The following CCDC102B variants were observed in gnomAD, a reference collection of about 807,000 sequenced individuals.
CCDC102B encodes the protein coiled-coil domain containing 102B.
A neutral mutation model predicts 57.4 loss-of-function variants in CCDC102B; 75 were observed. That is an observed-to-expected ratio of 1.31 (90% confidence interval 1.08 to 1.58). The LOEUF (loss-of-function observed/expected upper bound fraction) is 1.58, where lower values mean the gene tolerates loss of function less well. CCDC102B is among the 40% of genes most tolerant of loss of function. The pLI, the probability that CCDC102B is intolerant of heterozygous loss-of-function variation, is 0.00. For missense variants in CCDC102B, 636 were observed against 582.6 expected (o/e 1.09, Z -0.94); for synonymous variants, 206 against 201.9 (o/e 1.02, Z -0.17).
At chr18:68,885,796 A>G (rs977291242) in intron 5 of CCDC102B, among the ~76,000 whole-genome samples, 1 of 152,056 alleles carries the variant, frequency 6.6e-6, no homozygotes, top group African/African-American at 2.4e-5. Context: ...AAAGACTACA[A>G]GAGTATTTCC....
In CCDC102B at chr18:68,877,795, A is replaced by G. The variant is rs138269030; in HGVS notation, c.1053+3010A>G. Among the ~76,000 whole-genome samples the G allele has an allele frequency of 2.8e-3, 422 of 152,270 alleles. 2 individuals are homozygous for G. The highest frequency in any genetic ancestry group is 9.8e-3 in the African/African-American group (407 of 41,546). The stretch of plus-strand genomic sequence containing the variant: ...TGCCTTAAATCAAACAAACAATTAC[A>G]TTTCTCTTCTGCTAAAATCCCTGGT... On this transcript the variant is annotated intron_variant, in intron 5 of 7. Transcript: ENST00000360242.
chr18:68,947,998 A>C (rs894847262), intron 6 of CCDC102B, among the ~76,000 whole-genome samples: 1 of 152,110 alleles, frequency 6.6e-6, no homozygotes, highest in Non-Finnish European at 1.5e-5. Context: ...TCAAGTTTGT[A>C]ATAATCCAAA....
At chr18:69,018,445 T>C (rs1241208645) in intron 7 of CCDC102B, among the ~76,000 whole-genome samples, 1 of 152,158 alleles carries the variant, frequency 6.6e-6, no homozygotes, top group Non-Finnish European at 1.5e-5. Context: ...CTAGTTATTT[T>C]CTGACTTTTT....
chr18:68,813,774 T>C (rs867388438), intron 1 of CCDC102B, among the ~76,000 whole-genome samples: 1 of 145,962 alleles, frequency 6.9e-6, no homozygotes, highest in East Asian at 2.0e-4. Flanking sequence ...AAATATAATT[T>C]TATATATATA....
chr18:68,756,437 C>A (rs889541303), intron 2 of CCDC102B, among the ~76,000 whole-genome samples: 1 of 152,098 alleles, frequency 6.6e-6, no homozygotes, highest in African/African-American at 2.4e-5. Flanking sequence ...AAGTTATCTT[C>A]TATTTATTCT....
intron 6 of CCDC102B, among the ~76,000 whole-genome samples, chr18:68,919,263 T>A (rs1046435986): frequency 3.9e-5 from 6 of 152,160 alleles, no homozygotes; most frequent in African/African-American, 1.4e-4. Context: ...AGTATATATG[T>A]ACATATACAC....
intron 7 of CCDC102B, among the ~76,000 whole-genome samples, chr18:69,020,947 T>C (rs979954862): frequency 6.6e-6 from 1 of 152,198 alleles, no homozygotes; most frequent in African/African-American, 2.4e-5. Flanking sequence ...CAAGATAGTA[T>C]TGAGGCTCTT....
At chr18:68,998,460 T>C (rs1438201760) in intron 6 of CCDC102B, among the ~76,000 whole-genome samples, 2 of 149,124 alleles carry the variant, frequency 1.3e-5, no homozygotes, top group Non-Finnish European at 3.0e-5. Flanking sequence ...TAGGGTTCTC[T>C]AGAGTGACAG....
downstream of CCDC102B, among the ~76,000 whole-genome samples, chr18:69,055,522 C>T (rs1056139325): frequency 1.3e-5 from 2 of 152,056 alleles, no homozygotes; most frequent in Non-Finnish European, 2.9e-5. Flanking sequence ...GCAATTCATC[C>T]AGATGGAGCC....
At chr18:68,973,689 GATTT>G (rs1175028384) in intron 6 of CCDC102B, among the ~76,000 whole-genome samples, 1 of 151,946 alleles carries the variant, frequency 6.6e-6, no homozygotes, top group Non-Finnish European at 1.5e-5. Flanking sequence ...TATCATTACG[GATTT>G]ATTTAACAAG....
chr18:68,929,112 T>C (rs1203040371), intron 6 of CCDC102B, among the ~76,000 whole-genome samples: 1 of 151,870 alleles, frequency 6.6e-6, no homozygotes, highest in African/African-American at 2.4e-5. Context: ...TATATATTTT[T>C]CCCACCTGTA....
rs73967727 is a variant in CCDC102B, at chr18:68,853,764, C to A, written c.936+7343C>A. 9.5e-3 allele frequency among the ~76,000 whole-genome samples: 1,413 copies of A among 148,816 alleles called. 15 individuals carry two copies. Among genetic ancestry groups the A allele is most frequent in the African/African-American group, 0.031 (1,261 of 40,426 alleles). On this transcript the variant is annotated intron_variant, in intron 4 of 7. Transcript: ENST00000360242. ...ATTCCTTTAGGTTAACCCCAAGACT[C>A]CATTAGGCGGCCCTCTTCTTTGTAG...
chr18:68,825,738 C>T (rs1157077186), intron 1 of CCDC102B, among the ~76,000 whole-genome samples: 2 of 152,034 alleles, frequency 1.3e-5, no homozygotes, highest in Admixed American at 1.3e-4. Flanking sequence ...GTTATTAAAA[C>T]TTCAAGAGGT....
At chr18:68,772,378 A>G (rs2034669318) in intron 2 of CCDC102B, among the ~76,000 whole-genome samples, 1 of 152,174 alleles carries the variant, frequency 6.6e-6, no homozygotes, top group Non-Finnish European at 1.5e-5. Context: ...ACTCAGCAAC[A>G]TATTTTTGGA....
At chr18:68,935,766 G>T (rs1179771865) in intron 6 of CCDC102B, among the ~76,000 whole-genome samples, 1 of 151,834 alleles carries the variant, frequency 6.6e-6, no homozygotes, top group African/African-American at 2.4e-5. Context: ...AGAATGAGTG[G>T]CCAGTGTTGA....
intron 2 of CCDC102B, among the ~76,000 whole-genome samples, chr18:68,745,539 A>G (rs569388891): frequency 1.3e-5 from 2 of 152,142 alleles, no homozygotes; most frequent in African/African-American, 2.4e-5. Flanking sequence ...TAGTGATCAG[A>G]TTAGTGAGCG....
chr18:68,874,137 CAT>C (rs2039340190), intron 4 of CCDC102B, among the ~76,000 whole-genome samples: 1 of 145,710 alleles, frequency 6.9e-6, no homozygotes. Flanking sequence ...AGATGTTCTT[CAT>C]ATATTTTATC....
At chr18:69,023,224 T>G (rs544801972) in intron 7 of CCDC102B, among the ~76,000 whole-genome samples, 1 of 152,270 alleles carries the variant, frequency 6.6e-6, no homozygotes, top group African/African-American at 2.4e-5. Context: ...TTAGCCTCAG[T>G]GGACTACACT....
Position 69,014,976 on chromosome 18 carries a change from A to AGTGTGTGTGT in CCDC102B, c.1434+3873_1434+3874insTGTGTGTGTG, listed in dbSNP as rs758831401. On this transcript the variant is annotated intron_variant, in intron 7 of 7. Coordinates refer to ENST00000360242, the MANE Select transcript of CCDC102B (RefSeq NM_024781.3). ...ATGTGAATGAGAGAGAGAGAGAGAG[A>AGTGTGTGTGT]GAGTGTGTGTGTGTGTGTGTGTGTG... is the stretch of plus-strand genomic sequence containing the variant. 2.6e-3 allele frequency among the ~76,000 whole-genome samples: 304 copies of AGTGTGTGTGT among 115,662 alleles called. 5 individuals are homozygous for AGTGTGTGTGT. The East Asian group carries it at 0.076, about 29-fold the overall frequency. The allele number at this position is 115,662 out of a possible 152,430, so 75.9% of individuals were successfully genotyped here.
Sources: allele counts gnomAD v4.1 joint callset (sites outside exome capture counted in the v4.1 genomes callset), GRCh38; gene constraint gnomAD v4.1.1; transcripts MANE v1.5; gene names NCBI Gene and HGNC (gene_info 2026-07-23, HGNC 2026-07-21).